The following BACE2 variants were observed in gnomAD, a reference collection of about 807,000 sequenced individuals.
The protein encoded by BACE2 is beta-secretase 2, also known as 56 kDa aspartic-like protease.
A neutral mutation model predicts 46.2 loss-of-function variants in BACE2; 17 were observed. The observed-to-expected ratio is 0.37, with a 90% confidence interval of 0.25 to 0.55. The LOEUF is 0.55. Ranked by LOEUF, BACE2 falls within the 20% of genes least tolerant of loss-of-function variation. The probability of loss-of-function intolerance (pLI) is 0.82; values close to 1 mark genes in which losing one functional copy is unlikely to be tolerated. For missense variants in BACE2, 595 were observed against 698.1 expected (o/e 0.85, Z 1.66); for synonymous variants, 277 against 295.9 (o/e 0.94, Z 0.66).
chr21:41,252,209 C>T (rs1021217622), intron 7 of BACE2, among the ~76,000 whole-genome samples: 3 of 152,212 alleles, frequency 2.0e-5, no homozygotes, highest in Non-Finnish European at 4.4e-5. Context: ...TGTCCATGGC[C>T]TCCCACCAGA....
At chr21:41,191,750 G>A (rs1985576474) in intron 1 of BACE2, among the ~76,000 whole-genome samples, 1 of 152,206 alleles carries the variant, frequency 6.6e-6, no homozygotes, top group South Asian at 2.1e-4. Context: ...CCCACTGGGT[G>A]ATGACGGGGG....
intron 1 of BACE2, among the ~76,000 whole-genome samples, chr21:41,205,648 G>A (rs1275488580): frequency 6.6e-6 from 1 of 152,092 alleles, no homozygotes; most frequent in African/African-American, 2.4e-5. Context: ...TAAACAGAAG[G>A]GCTAATTTTT....
intron 8 of BACE2, among the ~76,000 whole-genome samples, chr21:41,272,588 G>T (rs75007172): frequency 1.3e-5 from 2 of 151,010 alleles, no homozygotes; most frequent in South Asian, 2.1e-4. Context: ...CAACCATCCC[G>T]TATATTTTTC....
intron 1 of BACE2, among the ~76,000 whole-genome samples, chr21:41,218,378 T>C (rs1192663024): frequency 6.6e-6 from 1 of 151,972 alleles, no homozygotes; most frequent in Admixed American, 6.6e-5. Context: ...ATTCTTCAAG[T>C]GTAAAGGCCA....
chr21:41,258,906 G>A (rs1464323273), intron 8 of BACE2, among the ~76,000 whole-genome samples: 1 of 152,134 alleles, frequency 6.6e-6, no homozygotes, highest in African/African-American at 2.4e-5. Context: ...AGTTATCATT[G>A]AGTGAGACCT....
At chr21:41,188,589 T>A (rs1056245569) in intron 1 of BACE2, among the ~76,000 whole-genome samples, 1 of 152,138 alleles carries the variant, frequency 6.6e-6, no homozygotes, top group African/African-American at 2.4e-5. Context: ...TTACATACCA[T>A]AGGGAAGGAA....
chr21:41,212,725 G>T (rs1489220120), intron 1 of BACE2, among the ~76,000 whole-genome samples: 3 of 152,112 alleles, frequency 2.0e-5, no homozygotes, highest in Non-Finnish European at 4.4e-5. Context: ...TCACTCCCTG[G>T]TACGTCAGAC....
intron 2 of BACE2, among the ~76,000 whole-genome samples, chr21:41,229,329 C>A (rs559178403): frequency 6.6e-6 from 1 of 152,228 alleles, no homozygotes; most frequent in African/African-American, 2.4e-5. Flanking sequence ...TTTCTCTCAT[C>A]ATCTGTAGAT....
intron 8 of BACE2, among the ~76,000 whole-genome samples, chr21:41,258,064 C>T (rs190241672): frequency 3.3e-5 from 5 of 152,070 alleles, no homozygotes; most frequent in East Asian, 1.9e-4. Flanking sequence ...ATTGAATTGC[C>T]GGAGACAAGT....
intron 1 of BACE2, among the ~76,000 whole-genome samples, chr21:41,197,153 G>T (rs904201641): frequency 6.6e-6 from 1 of 151,914 alleles, no homozygotes; most frequent in East Asian, 1.9e-4. Context: ...TAGGGATGGG[G>T]TCTCACTATG....
At chr21:41,169,222 C>G (rs1984506849) in intron 1 of BACE2, among the ~76,000 whole-genome samples, 1 of 151,214 alleles carries the variant, frequency 6.6e-6, no homozygotes, top group Non-Finnish European at 1.5e-5. Flanking sequence ...TCCGGCGGCC[C>G]TGCCCCTCTG....
At chr21:41,273,257 T>C (rs2088451938) in intron 8 of BACE2, among the ~76,000 whole-genome samples, 1 of 152,224 alleles carries the variant, frequency 6.6e-6, no homozygotes, top group Non-Finnish European at 1.5e-5. Flanking sequence ...GATAACATCT[T>C]ATCAGGAGAC....
chr21:41,254,211 T>G (rs539416370), intron 7 of BACE2, among the ~76,000 whole-genome samples: 1 of 152,370 alleles, frequency 6.6e-6, no homozygotes, highest in African/African-American at 2.4e-5. Flanking sequence ...GCCCATGGGC[T>G]GAATCCTATG....
intron 8 of BACE2, among the ~76,000 whole-genome samples, chr21:41,267,010 A>T (rs75462941): frequency 0.036 from 5,528 of 151,662 alleles, 153 homozygotes; most frequent in Non-Finnish European, 0.056. Flanking sequence ...GTCCGATGAC[A>T]CTTAGCCTAA....
At position 41,280,495 on chromosome 21, in the gene BACE2, C is replaced by T. The variant is rs971027502; in HGVS notation, c.*4871C>T. The T allele has an allele frequency of 1.3e-5, 2 of 152,436 alleles. No individual in the cohort carries two copies. The highest frequency in any genetic ancestry group is 2.1e-4 in the South Asian group (1 of 4,834). 9.4% of individuals were successfully genotyped at this position (152,436 alleles called of 1,614,324 possible). ...CACGTCCCCGGAAGGTCCATCTTGTCCTGGAGCACACCCAGCCCCATTCAG... is the reference window on the plus strand; with the variant it reads ...CACGTCCCCGGAAGGTCCATCTTGTTCTGGAGCACACCCAGCCCCATTCAG... On this transcript the variant is annotated 3_prime_UTR_variant, in exon 9 of 9. Transcript: ENST00000330333.
At chr21:41,250,988 T>G (rs1459883331) in intron 7 of BACE2, 87 bp downstream of exon 7, 3 of 1,261,502 alleles carry the variant, frequency 2.4e-6, no homozygotes, top group Non-Finnish European at 3.3e-6. Context: ...ATGTCACACC[T>G]GCATTAGATC....
At chr21:41,258,926 G>A (rs1226710708) in intron 8 of BACE2, among the ~76,000 whole-genome samples, 1 of 152,140 alleles carries the variant, frequency 6.6e-6, no homozygotes, top group African/African-American at 2.4e-5. Flanking sequence ...TTTCTCTGTG[G>A]CAGCAGGTGG....
intron 3 of BACE2, among the ~76,000 whole-genome samples, chr21:41,240,851 G>C (rs1227228803): frequency 6.6e-6 from 1 of 152,188 alleles, no homozygotes; most frequent in East Asian, 1.9e-4. Flanking sequence ...TTCCATGGTG[G>C]AGTTCCCCTC....
At chr21:41,235,456 T>C (rs1987089735) in intron 2 of BACE2, among the ~76,000 whole-genome samples, 1 of 152,220 alleles carries the variant, frequency 6.6e-6, no homozygotes, top group South Asian at 2.1e-4. Context: ...TCCTGGTGTC[T>C]CCTTAGGGTC....
Sources: gnomAD v4.1 joint callset for allele counts (sites outside exome capture counted in the v4.1 genomes callset) on GRCh38, gnomAD v4.1.1 for gene constraint, MANE v1.5 for transcripts, NCBI Gene and HGNC (gene_info 2026-07-23, HGNC 2026-07-21) for gene names.